The following PDE3B variants were observed in gnomAD, a reference collection of about 807,000 sequenced individuals.
PDE3B encodes the protein phosphodiesterase 3B.
PDE3B carries 66 observed loss-of-function variants against 116.8 expected under a neutral mutation model. The ratio of observed to expected loss-of-function variants is 0.56; its 90% CI spans 0.46 to 0.69. PDE3B has a LOEUF of 0.69. Ranked by LOEUF, PDE3B falls within the 30% of genes least tolerant of loss-of-function variation. PDE3B has a pLI of 0.00. For missense variants in PDE3B, 1,384 were observed against 1,368.1 expected (o/e 1.01, Z -0.18); for synonymous variants, 595 against 533.6 (o/e 1.12, Z -1.59).
At chr11:14,732,785 T>C (rs1474818770) in intron 1 of PDE3B, among the ~76,000 whole-genome samples, 1 of 152,210 alleles carries the variant, frequency 6.6e-6, no homozygotes, top group Non-Finnish European at 1.5e-5. Context: ...TTTCAGCCCG[T>C]GTTTGGTTGA....
intron 1 of PDE3B, among the ~76,000 whole-genome samples, chr11:14,744,361 T>C (rs930287914): frequency 2.0e-5 from 3 of 152,226 alleles, no homozygotes; most frequent in Non-Finnish European, 4.4e-5. Context: ...TTGCATTGCA[T>C]TTTTAGTTTG....
At chr11:14,770,692 CT>C (rs1468727704) in intron 1 of PDE3B, among the ~76,000 whole-genome samples, 4 of 151,546 alleles carry the variant, frequency 2.6e-5, no homozygotes, top group Admixed American at 1.3e-4. Context: ...TTTGTGGGCA[CT>C]GGTTCACAAG....
At chr11:14,806,171 G>C (rs1179947812) in intron 5 of PDE3B, among the ~76,000 whole-genome samples, 1 of 152,092 alleles carries the variant, frequency 6.6e-6, no homozygotes, top group African/African-American at 2.4e-5. Flanking sequence ...TAAATCATGT[G>C]GCTGGGCGTG....
rs553101403 is a variant in PDE3B at position 14,708,113 on chromosome 11, G to A, written c.978+63060G>A. Among the ~76,000 whole-genome samples the A allele has an allele frequency of 9.2e-5, 14 of 152,174 alleles. No homozygotes were observed. The South Asian group carries it at 2.7e-3, about 29-fold the overall frequency. On this transcript the variant is annotated intron_variant, in intron 1 of 15. Coordinates refer to ENST00000282096, the MANE Select transcript of PDE3B (RefSeq NM_000922.4). Reference sequence around the variant, plus strand: ...GGAGATATTTGGGTCATAGGGATGAGTCCCTCACAAATAGATTAATGACTT... The same window carrying A: ...GGAGATATTTGGGTCATAGGGATGAATCCCTCACAAATAGATTAATGACTT...
chr11:14,848,241 A>G (rs1222525263), intron 12 of PDE3B, among the ~76,000 whole-genome samples: 3 of 140,552 alleles, frequency 2.1e-5, no homozygotes, highest in African/African-American at 8.1e-5. Context: ...CAAAAACCAC[A>G]TGATTATCTC....
chr11:14,740,899 A>G lies in PDE3B; in HGVS notation c.979-31038A>G, dbSNP rs147693133. Among the ~76,000 whole-genome samples, 614 of 152,254 alleles carry G rather than the reference A, an allele frequency of 4.0e-3. 2 individuals carry two copies. The highest frequency in any genetic ancestry group is 0.014 in the African/African-American group (593 of 41,542). On this transcript the variant is annotated intron_variant, in intron 1 of 15. Coordinates refer to ENST00000282096, the MANE Select transcript of PDE3B (RefSeq NM_000922.4). The stretch of plus-strand genomic sequence containing the variant: ...GGAGCAGGTTGTTCAGTTTCCATGT[A>G]GTTGTGCGGTTTTGAGTGAGTTTCT...
intron 1 of PDE3B, among the ~76,000 whole-genome samples, chr11:14,660,253 C>T (rs1007620294): frequency 5.3e-5 from 8 of 151,566 alleles, no homozygotes; most frequent in African/African-American, 1.9e-4. Context: ...CCACTAATTT[C>T]AACGACAAGA....
rs1240791079 is a variant in PDE3B, at chr11:14,758,901, G to A, written c.979-13036G>A. Among the ~76,000 whole-genome samples the A allele has an allele frequency of 5.3e-5, 8 of 151,872 alleles. No individual in the cohort carries two copies. The South Asian group carries it at 1.7e-3, about 32-fold the overall frequency. ...CCCATTCAGTATGATATTGGCTGTG[G>A]GTTTCTCATAGATAGCTCTTATTAT... On this transcript the variant is annotated intron_variant, in intron 1 of 15. Coordinates refer to ENST00000282096, the MANE Select transcript of PDE3B (RefSeq NM_000922.4).
intron 1 of PDE3B, among the ~76,000 whole-genome samples, chr11:14,733,380 C>T (rs1856514558): frequency 6.6e-6 from 1 of 152,106 alleles, no homozygotes; most frequent in Admixed American, 6.5e-5. Context: ...CGCATTCTCT[C>T]TTTTACTCCC....
intron 1 of PDE3B, among the ~76,000 whole-genome samples, chr11:14,745,488 T>C (rs1312234354): frequency 2.0e-5 from 3 of 152,138 alleles, no homozygotes; most frequent in Admixed American, 2.0e-4. Context: ...ATTATTTCTT[T>C]GTATTTAGCT....
At chr11:14,875,404 G>C (rs1755952720), downstream of PDE3B, among the ~76,000 whole-genome samples, 2 of 151,872 alleles carry the variant, frequency 1.3e-5, no homozygotes. Flanking sequence ...ATCCTTAATG[G>C]TTATTTCAGT....
At chr11:14,851,114 C>T (rs1263797417) in intron 12 of PDE3B, among the ~76,000 whole-genome samples, 38 of 151,870 alleles carry the variant, frequency 2.5e-4, no homozygotes, top group Admixed American at 1.4e-3. Flanking sequence ...TGAGCCACCA[C>T]GCCTGGCCCT....
intron 2 of PDE3B, among the ~76,000 whole-genome samples, chr11:14,779,089 T>C (rs1190328293): frequency 6.6e-6 from 1 of 151,978 alleles, no homozygotes. Context: ...GAAGATCAGA[T>C]GAATGAAATG....
At chr11:14,891,338 T>C in the PDE3B span, 1 of 985,348 alleles carries the variant, frequency 1.0e-6, no homozygotes, top group Non-Finnish European at 1.2e-6. Flanking sequence ...TAAGGTGCCG[T>C]TCCCAGCCAG....
chr11:14,872,856 A>G (rs1555009256), downstream of PDE3B, among the ~76,000 whole-genome samples: 2 of 152,186 alleles, frequency 1.3e-5, no homozygotes, highest in African/African-American at 4.8e-5. Flanking sequence ...GCCAATGCAG[A>G]GCCAACTAAA....
rs538803292 is a variant in PDE3B at position 14,671,985 on chromosome 11, C to G, written c.978+26932C>G. ...TGAGCTGTGATTGTGGTACTGTACT[C>G]CAGCCTGGGTGACAGAGTGAGACCT... On this transcript the variant is annotated intron_variant, in intron 1 of 15. Transcript: ENST00000282096. 2.1e-4 allele frequency among the ~76,000 whole-genome samples: 31 copies of G among 147,224 alleles called. No homozygotes were observed. In the South Asian group the frequency reaches 6.5e-3, roughly 31 times the overall value.
At chr11:14,809,616 C>A (rs1324006480) in intron 5 of PDE3B, among the ~76,000 whole-genome samples, 1 of 152,124 alleles carries the variant, frequency 6.6e-6, no homozygotes, top group Non-Finnish European at 1.5e-5. Context: ...ACCTAATCCC[C>A]AATGAGACAG....
At chr11:14,729,052 G>C (rs1378800725) in intron 1 of PDE3B, among the ~76,000 whole-genome samples, 2 of 152,220 alleles carry the variant, frequency 1.3e-5, no homozygotes, top group East Asian at 3.9e-4. Context: ...TATCTTTGTA[G>C]CAGTCCCTGA....
intron 1 of PDE3B, chr11:14,701,020 A>G (rs1029254884): frequency 6.6e-6 from 1 of 151,730 alleles, no homozygotes; most frequent in East Asian, 1.9e-4. Context: ...TATCATGTAC[A>G]TAATATTTCT....
Sources: allele counts gnomAD v4.1 joint callset (sites outside exome capture counted in the v4.1 genomes callset), GRCh38; gene constraint gnomAD v4.1.1; transcripts MANE v1.5; gene names NCBI Gene and HGNC (gene_info 2026-07-23, HGNC 2026-07-21).